The following RELN variants were observed in gnomAD, a reference collection of about 807,000 sequenced individuals.
RELN encodes reelin.
In RELN, 108 loss-of-function variants were observed where a neutral mutation model predicts 427.6. The observed-to-expected ratio is 0.25, with a 90% CI of 0.22 to 0.30. The LOEUF (loss-of-function observed/expected upper bound fraction) is 0.30, where lower values mean the gene tolerates loss of function less well. RELN is among the 10% of genes least tolerant of loss of function. The pLI, the probability that RELN is intolerant of heterozygous loss-of-function variation, is 1.00. For missense variants in RELN, 3,715 were observed against 4,302.8 expected (o/e 0.86, Z 3.82); for synonymous variants, 1,524 against 1,513.4 (o/e 1.01, Z -0.16).
At chr7:103,942,856 G>A (rs563906220) in intron 1 of RELN, among the ~76,000 whole-genome samples, 42 of 151,988 alleles carry the variant, frequency 2.8e-4, no homozygotes, top group African/African-American at 9.4e-4. Context: ...AGGTTGCAGT[G>A]AGCCAAGATT....
At chr7:103,653,312 T>C (rs1372034936) in intron 13 of RELN, among the ~76,000 whole-genome samples, 1 of 152,068 alleles carries the variant, frequency 6.6e-6, no homozygotes, top group African/African-American at 2.4e-5. Flanking sequence ...TTTTATGAAA[T>C]CCCAAATGGT....
At chr7:103,969,899 G>A (rs1250668534) in intron 1 of RELN, among the ~76,000 whole-genome samples, 2 of 152,064 alleles carry the variant, frequency 1.3e-5, no homozygotes, top group Admixed American at 6.6e-5. Context: ...TTTAAAGAAA[G>A]GAGACTCAGA....
chr7:103,718,924 C>G (rs1166475071), intron 8 of RELN, among the ~76,000 whole-genome samples: 1 of 152,220 alleles, frequency 6.6e-6, no homozygotes, highest in African/African-American at 2.4e-5. Flanking sequence ...TTTAGAGTGA[C>G]TCAATGCAGA....
intron 1 of RELN, among the ~76,000 whole-genome samples, chr7:103,956,194 G>A (rs148468672): frequency 6.6e-6 from 1 of 152,222 alleles, no homozygotes; most frequent in East Asian, 1.9e-4. Context: ...ATGGTCACTA[G>A]GGCACATTCA....
chr7:103,592,213 CCA>C, intron 27 of RELN, among the ~76,000 whole-genome samples: 1 of 148,328 alleles, frequency 6.7e-6, no homozygotes, highest in East Asian at 1.9e-4. Flanking sequence ...TAAGTAGGCC[CCA>C]GTGTCTGCTG....
At position 103,661,487 on chromosome 7, in the gene RELN, T is replaced by C; in HGVS notation, c.1330A>G (p.Thr444Ala). 6.2e-7 allele frequency: 1 copy of C among 1,613,730 alleles called. No homozygotes were observed. The highest frequency in any genetic ancestry group is 8.5e-7 in the Non-Finnish European group (1 of 1,179,792). Residue 444 changes from threonine (T) to alanine (A), a missense_variant, in exon 12 of 65, where the codon ACG becomes GCG. Transcript: ENST00000428762. ...LGAVIGTECG[T>A]IESGLSMVFL... Reference sequence around the variant, plus strand: ...ACCATTGATAAGCCTGATTCTATCGTTCCACATTCTGTACCAATGACAGCT... The same window carrying C: ...ACCATTGATAAGCCTGATTCTATCGCTCCACATTCTGTACCAATGACAGCT...
intron 11 of RELN, among the ~76,000 whole-genome samples, chr7:103,674,735 T>C (rs931269448): frequency 3.3e-5 from 5 of 152,152 alleles, no homozygotes; most frequent in Admixed American, 2.0e-4. Flanking sequence ...GTTCAACACA[T>C]GCAAATCAAT....
chr7:103,657,132 T>A (rs1386743403), intron 12 of RELN, among the ~76,000 whole-genome samples: 1 of 152,038 alleles, frequency 6.6e-6, no homozygotes, highest in Non-Finnish European at 1.5e-5. Flanking sequence ...GAACTGAGAA[T>A]GGAGAAGTCA....
At chr7:103,580,705 C>T (rs12705133) in intron 28 of RELN, among the ~76,000 whole-genome samples, 74,186 of 151,976 alleles carry the variant, frequency 0.49, 18,810 homozygotes, top group South Asian at 0.62. Flanking sequence ...GTACCCAATA[C>T]GTAGCCATTT....
At chr7:103,632,815 GT>G (rs3834356) in intron 19 of RELN, among the ~76,000 whole-genome samples, 17,769 of 151,916 alleles carry the variant, frequency 0.12, 1,118 homozygotes, top group South Asian at 0.17. Flanking sequence ...TTTAAAAAAT[GT>G]TTTACAATGA....
Position 103,776,550 on chromosome 7 carries a change from C to T in RELN, c.544+7G>A, listed in dbSNP as rs747634030. 52 of 1,613,944 alleles carry T rather than the reference C, an allele frequency of 3.2e-5. No homozygotes were observed. The highest frequency in any genetic ancestry group is 8.8e-5 in the South Asian group (8 of 91,076). On this transcript the variant is annotated splice_region_variant and intron_variant, in intron 4 of 64. Transcript: ENST00000428762. ...CATAACACAAACAAATCAAATGTGA[C>T]GCTTACCTCCTTGTTCACACAACTG...
intron 11 of RELN, among the ~76,000 whole-genome samples, chr7:103,670,421 C>T (rs1394012538): frequency 1.3e-5 from 2 of 152,072 alleles, no homozygotes; most frequent in East Asian, 1.9e-4. Flanking sequence ...GATTAACTGG[C>T]CTTTGTGAAA....
chr7:103,591,547 T>G (rs994024961), intron 27 of RELN, among the ~76,000 whole-genome samples: 15 of 152,206 alleles, frequency 9.9e-5, no homozygotes, highest in African/African-American at 3.1e-4. Context: ...ACATCAAGAA[T>G]ATAATTAAAA....
chr7:103,644,546 T>C (rs1266402721), intron 16 of RELN, among the ~76,000 whole-genome samples: 2 of 151,190 alleles, frequency 1.3e-5, no homozygotes, highest in East Asian at 2.0e-4. Context: ...AGAGCTCGAA[T>C]ACAGGTTTTT....
Position 103,496,709 on chromosome 7 carries a change from C to T in RELN, c.9010G>A (p.Asp3004Asn), listed in dbSNP as rs777296991. The T allele has an allele frequency of 6.2e-7, 1 of 1,613,942 alleles. No homozygotes were observed. Among genetic ancestry groups the T allele is most frequent in the African/African-American group, 1.3e-5 (1 of 74,922 alleles). Residue 3004 changes from aspartate (D) to asparagine (N), a missense_variant, in exon 56 of 65, where the codon GAC (aspartate) becomes AAC (asparagine). Physicochemically the swap from Asp to Asn is conservative, Grantham distance 23 (BLOSUM62 1). This residue lies in a region of RELN where 1,310 missense variants were observed against 1,643.0 expected (regional missense o/e 0.80). Transcript: ENST00000428762. ...DYQKYISVRH[D>N]YILLPEDALT... ...GCATCTTCAGGAAGAAGTATGTAGTCGTGTCTAACAGAAATGTATTTCTGG... is the reference window on the plus strand; with the variant it reads ...GCATCTTCAGGAAGAAGTATGTAGTTGTGTCTAACAGAAATGTATTTCTGG...
chr7:103,802,747 T>C (rs768610802), intron 3 of RELN, among the ~76,000 whole-genome samples: 9 of 152,134 alleles, frequency 5.9e-5, no homozygotes, highest in African/African-American at 4.8e-5. Flanking sequence ...GCTTTAGGGA[T>C]AGATATATAA....
chr7:103,793,060 T>C (rs1288428673), intron 3 of RELN, among the ~76,000 whole-genome samples: 1 of 152,182 alleles, frequency 6.6e-6, no homozygotes, highest in Non-Finnish European at 1.5e-5. Flanking sequence ...AAGGAAACTA[T>C]AAAGCCTCAA....
chr7:103,749,037 A>T (rs1208489181), intron 6 of RELN, among the ~76,000 whole-genome samples: 1 of 152,132 alleles, frequency 6.6e-6, no homozygotes, highest in African/African-American at 2.4e-5. Context: ...ATACATAATG[A>T]GTTGACCTAA....
chr7:103,591,797 G>C (rs986625980), intron 27 of RELN, among the ~76,000 whole-genome samples: 1 of 152,114 alleles, frequency 6.6e-6, no homozygotes, highest in African/African-American at 2.4e-5. Context: ...GGGTAGTGTA[G>C]ACATACTCTC....
Sources: gnomAD v4.1 joint callset for allele counts (sites outside exome capture counted in the v4.1 genomes callset) on GRCh38, gnomAD v4.1.1 for gene constraint, gnomAD v4.1.1 regional missense constraint, MANE v1.5 for transcripts, NCBI Gene and HGNC (gene_info 2026-07-23, HGNC 2026-07-21) for gene names.